IL1RAPL2: variants seen among roughly 807,000 people sequenced by gnomAD.
The protein encoded by IL1RAPL2 is interleukin 1 receptor accessory protein like 2.
In IL1RAPL2, 3 loss-of-function variants were observed where a neutral mutation model predicts 44.1. The observed-to-expected ratio is 0.07, with a 90% CI of 0.03 to 0.18. The LOEUF is 0.18. IL1RAPL2 is among the 10% of genes least tolerant of loss of function. The probability of loss-of-function intolerance (pLI) is 1.00; values close to 1 mark genes in which losing one functional copy is unlikely to be tolerated. For missense variants in IL1RAPL2, 391 were observed against 496.4 expected, an observed-to-expected ratio of 0.79 and a Z score of 2.02; for synonymous variants, 181 against 178.8, an observed-to-expected ratio of 1.01 and a Z score of -0.10.
intron 7 of IL1RAPL2, among the ~76,000 whole-genome samples, chrX:105,722,014 G>A (rs7051841): frequency 0.043 from 4,775 of 111,384 alleles, 268 homozygotes; most frequent in African/African-American, 0.15. Context: ...ATGGGGATAC[G>A]TTCTATGTAA....
At chrX:104,762,627 T>C (rs1932482367) in intron 2 of IL1RAPL2, among the ~76,000 whole-genome samples, 1 of 112,339 alleles carries the variant, frequency 8.9e-6, no homozygotes. Flanking sequence ...CTAGCAGAGG[T>C]TCTCTATGGG....
chrX:105,536,425 T>TAAAAAAAAAA (rs60312385), intron 6 of IL1RAPL2, among the ~76,000 whole-genome samples: 1 of 92,149 alleles, frequency 1.1e-5, no homozygotes, highest in Non-Finnish European at 2.2e-5. Flanking sequence ...TTTTATATGG[T>TAAAAAAAAAA]AAAAAAAAAA....
chrX:104,568,045 G>C (rs1928073164), intron 1 of IL1RAPL2, among the ~76,000 whole-genome samples: 1 of 111,714 alleles, frequency 9.0e-6, no homozygotes, highest in Non-Finnish European at 1.9e-5. Flanking sequence ...AGAAGTATTG[G>C]AAAAGTACTT....
chrX:105,037,017 G>C (rs1461482152), intron 2 of IL1RAPL2, among the ~76,000 whole-genome samples: 3 of 112,034 alleles, frequency 2.7e-5, no homozygotes, highest in Non-Finnish European at 5.6e-5. Context: ...CGGAAATCTA[G>C]AAGATGAAGT....
chrX:104,722,675 A>G (rs1931704526), intron 2 of IL1RAPL2, among the ~76,000 whole-genome samples: 1 of 111,587 alleles, frequency 9.0e-6, no homozygotes, highest in South Asian at 3.7e-4. Context: ...TCCATAGTAT[A>G]TGTTTGGAAA....
intron 2 of IL1RAPL2, among the ~76,000 whole-genome samples, chrX:104,908,603 C>T (rs1297188530): frequency 6.3e-5 from 7 of 111,510 alleles, no homozygotes; most frequent in Non-Finnish European, 1.3e-4. Context: ...GTTGAAAATT[C>T]TTTTCTTTAA....
intron 5 of IL1RAPL2, among the ~76,000 whole-genome samples, chrX:105,284,445 G>A (rs2034555681): frequency 8.9e-6 from 1 of 111,893 alleles, no homozygotes; most frequent in African/African-American, 3.2e-5. Context: ...ACAGCCTGCT[G>A]TTGGGATACC....
chrX:105,216,452 A>G (rs782604013), intron 3 of IL1RAPL2, among the ~76,000 whole-genome samples: 1 of 111,242 alleles, frequency 9.0e-6, no homozygotes, highest in Non-Finnish European at 1.9e-5. Flanking sequence ...GAATAAGAGA[A>G]GACACAAATG....
chrX:105,066,104 C>T (rs1302341451), intron 2 of IL1RAPL2, among the ~76,000 whole-genome samples: 1 of 111,122 alleles, frequency 9.0e-6, no homozygotes, highest in Non-Finnish European at 1.9e-5. Context: ...ACCTCATTGG[C>T]TCAGAAATGA....
chrX:104,673,116 T>G (rs1930651697), intron 2 of IL1RAPL2, among the ~76,000 whole-genome samples: 1 of 111,966 alleles, frequency 8.9e-6, no homozygotes, highest in South Asian at 3.7e-4. Context: ...ATCCCATTTG[T>G]CAATTTTGGC....
At chrX:104,916,636 T>C (rs1218584367) in intron 2 of IL1RAPL2, among the ~76,000 whole-genome samples, 2 of 111,713 alleles carry the variant, frequency 1.8e-5, no homozygotes, top group Non-Finnish European at 3.8e-5. Flanking sequence ...AGGGCATCCC[T>C]GTCTTGTGCC....
chrX:104,756,333 T>A (rs1932339287), intron 2 of IL1RAPL2, among the ~76,000 whole-genome samples: 1 of 111,432 alleles, frequency 9.0e-6, no homozygotes, highest in Admixed American at 9.6e-5. Flanking sequence ...AGATAACTTT[T>A]ATTTAACTTG....
intron 2 of IL1RAPL2, among the ~76,000 whole-genome samples, chrX:104,948,560 T>C (rs1437189520): frequency 7.4e-5 from 8 of 108,304 alleles, no homozygotes; most frequent in African/African-American, 2.7e-4. Context: ...GGGTTTGTCA[T>C]AGATAGCTCT....
chrX:105,568,605 T>A (rs2036992022), intron 6 of IL1RAPL2, among the ~76,000 whole-genome samples: 1 of 112,115 alleles, frequency 8.9e-6, no homozygotes, highest in Non-Finnish European at 1.9e-5. Flanking sequence ...AATGTATCCC[T>A]GAAGCTTAAC....
intron 5 of IL1RAPL2, among the ~76,000 whole-genome samples, chrX:105,463,056 C>A (rs2036103796): frequency 9.0e-6 from 1 of 111,598 alleles, no homozygotes; most frequent in Admixed American, 9.6e-5. Flanking sequence ...AAGTTTGATT[C>A]TTTAATATAA....
At chrX:105,109,874 A>C (rs191002903) in intron 2 of IL1RAPL2, among the ~76,000 whole-genome samples, 27 of 112,509 alleles carry the variant, frequency 2.4e-4, no homozygotes, top group African/African-American at 8.4e-4. Flanking sequence ...AGAAACAAGA[A>C]ATAGTAAAGC....
intron 2 of IL1RAPL2, among the ~76,000 whole-genome samples, chrX:104,906,277 C>T (rs1382269911): frequency 9.0e-6 from 1 of 110,877 alleles, no homozygotes; most frequent in African/African-American, 3.3e-5. Flanking sequence ...TCCTCTTTTC[C>T]TAATTGAATA....
rs187924545 is a variant in IL1RAPL2 at position 104,910,298 on chromosome X, A to G, written c.82+251303A>G. Among the ~76,000 whole-genome samples the G allele has an allele frequency of 5.8e-3, 649 of 112,253 alleles. 2 individuals are homozygous for G. Among genetic ancestry groups the G allele is most frequent in the Non-Finnish European group, 0.01 (532 of 53,179 alleles). ...AACCCGGTGCCTAGGATGGAAATGC[A>G]GAAATCACCTGTCTTCTGCGTTGCT... On this transcript the variant is annotated intron_variant, in intron 2 of 10. Coordinates refer to ENST00000372582, the MANE Select transcript of IL1RAPL2 (RefSeq NM_017416.2).
At chrX:104,949,802 G>T (rs1326118525) in intron 2 of IL1RAPL2, among the ~76,000 whole-genome samples, 4 of 111,294 alleles carry the variant, frequency 3.6e-5, no homozygotes, top group Non-Finnish European at 7.6e-5. Flanking sequence ...TATAATTTCT[G>T]TTCTTTTACA....
Sources: gnomAD v4.1 joint callset for allele counts (sites outside exome capture counted in the v4.1 genomes callset) on GRCh38, gnomAD v4.1.1 for gene constraint, MANE v1.5 for transcripts, NCBI Gene and HGNC (gene_info 2026-07-23, HGNC 2026-07-21) for gene names.